Variants in PDE10A observed in about 807,000 individuals in gnomAD.
The protein encoded by PDE10A is cAMP and cAMP-inhibited cGMP 3',5'-cyclic phosphodiesterase 10A.
PDE10A carries 39 observed loss-of-function variants against 97.7 expected under a neutral mutation model. The observed-to-expected ratio is 0.40, with a 90% CI of 0.31 to 0.52. The LOEUF (loss-of-function observed/expected upper bound fraction) is 0.52. PDE10A is among the 20% of genes least tolerant of loss of function. PDE10A has a pLI of 0.56. For synonymous variants in PDE10A, 371 were observed against 376.8 expected, an observed-to-expected ratio of 0.98 and a Z score of 0.18; for missense variants, 731 against 1,047.8, an observed-to-expected ratio of 0.70 and a Z score of 4.17.
chr6:165,347,143 C>T (rs1782367377), intron 18 of PDE10A, among the ~76,000 whole-genome samples: 1 of 151,448 alleles, frequency 6.6e-6, no homozygotes, highest in African/African-American at 2.4e-5. Flanking sequence ...GATTTTAAAT[C>T]ATTGGGTTGA....
rs1374949817 is a variant in PDE10A at position 165,339,167 on chromosome 6, C to A, written c.2976+111G>T. On this transcript the variant is annotated intron_variant, in intron 20 of 21. Transcript: ENST00000539869. ...TAATCACCAGATCTGCCTGGAATAA[C>A]CCATTCCCTTAACATAATATATGAT... The A allele has an allele frequency of 3.9e-5, 30 of 767,714 alleles. No homozygotes were observed. The South Asian group carries it at 3.9e-4, about 10-fold the overall frequency. The allele number at this position is 767,714 out of a possible 1,614,324, so 47.6% of individuals were successfully genotyped here.
intron 18 of PDE10A, among the ~76,000 whole-genome samples, chr6:165,353,903 A>C (rs990152616): frequency 6.6e-6 from 1 of 152,220 alleles, no homozygotes; most frequent in Non-Finnish European, 1.5e-5. Context: ...ATGTTGGTTC[A>C]TTAATTGTAA....
At chr6:165,501,454 A>G (rs221733) in intron 2 of PDE10A, among the ~76,000 whole-genome samples, 150,058 of 152,124 alleles carry the variant, frequency 0.99, 74,013 homozygotes, top group East Asian at 1. Context: ...CCAGCTACTC[A>G]GGAGGCTACT....
chr6:165,378,922 C>A (rs549754665), intron 18 of PDE10A, among the ~76,000 whole-genome samples: 2 of 152,196 alleles, frequency 1.3e-5, no homozygotes, highest in Non-Finnish European at 2.9e-5. Context: ...AAACATCATT[C>A]CAGCCTTTCC....
At chr6:165,337,566 T>C (rs1371424662) in intron 20 of PDE10A, among the ~76,000 whole-genome samples, 3 of 152,252 alleles carry the variant, frequency 2.0e-5, no homozygotes, top group Admixed American at 6.5e-5. Context: ...CCAGAAAAGA[T>C]ACTAATATTA....
At chr6:165,350,680 C>T (rs1223404542) in intron 18 of PDE10A, among the ~76,000 whole-genome samples, 1 of 152,108 alleles carries the variant, frequency 6.6e-6, no homozygotes, top group Non-Finnish European at 1.5e-5. Flanking sequence ...TTCCCCTAAC[C>T]CTCACTTGTC....
At chr6:165,423,840 CTA>C (rs1246182346) in intron 10 of PDE10A, among the ~76,000 whole-genome samples, 2 of 142,024 alleles carry the variant, frequency 1.4e-5, no homozygotes, top group African/African-American at 2.6e-5. Flanking sequence ...CAGAGCGAGA[CTA>C]TGTCTCAGGA....
intron 2 of PDE10A, among the ~76,000 whole-genome samples, chr6:165,523,209 G>GCTGT (rs1184254886): frequency 6.6e-6 from 1 of 152,098 alleles, no homozygotes; most frequent in Non-Finnish European, 1.5e-5. Flanking sequence ...GTAATCTACA[G>GCTGT]ATTCAGTGCC....
intron 1 of PDE10A, among the ~76,000 whole-genome samples, chr6:165,897,271 C>T (rs930219032): frequency 9.2e-5 from 14 of 152,080 alleles, no homozygotes; most frequent in African/African-American, 3.4e-4. Context: ...TCTAAATGAT[C>T]ACAGAAATTG....
At chr6:165,886,011 A>G (rs1781622701) in intron 1 of PDE10A, among the ~76,000 whole-genome samples, 1 of 152,250 alleles carries the variant, frequency 6.6e-6, no homozygotes, top group South Asian at 2.1e-4. Flanking sequence ...ATTGTCTATC[A>G]TAAGTTGTAC....
intron 2 of PDE10A, among the ~76,000 whole-genome samples, chr6:165,511,139 C>T (rs1258135036): frequency 1.3e-5 from 2 of 152,000 alleles, no homozygotes; most frequent in South Asian, 2.1e-4. Flanking sequence ...TGAACTCCTA[C>T]TTTTCTGATG....
chr6:165,438,779 G>A (rs571815580), intron 5 of PDE10A, among the ~76,000 whole-genome samples: 15 of 151,946 alleles, frequency 9.9e-5, no homozygotes, highest in African/African-American at 3.4e-4. Flanking sequence ...GCAACATAGC[G>A]AGATCTGACC....
chr6:165,429,477 A>C (rs1386896171), intron 9 of PDE10A, among the ~76,000 whole-genome samples: 2 of 152,128 alleles, frequency 1.3e-5, no homozygotes. Flanking sequence ...AATGTAACAT[A>C]AACTAGTAAC....
chr6:165,875,748 G>T (rs367656794), intron 1 of PDE10A, among the ~76,000 whole-genome samples: 3,728 of 48,700 alleles, frequency 0.077, 77 homozygotes, highest in South Asian at 0.17. Flanking sequence ...TTTTTTTTTT[G>T]TGTGTGTGTG....
rs528602351 is a variant in PDE10A at position 165,461,881 on chromosome 6, T to A, written c.1024-11519A>T. Among the ~76,000 whole-genome samples, 372 of 152,378 alleles carry A rather than the reference T, an allele frequency of 2.4e-3. 2 individuals are homozygous for A. The highest frequency in any genetic ancestry group is 8.4e-3 in the African/African-American group (351 of 41,602). On this transcript the variant is annotated intron_variant, in intron 3 of 21. Transcript: ENST00000539869. ...AACTTGCCAAATGGTATATTCCTCA[T>A]CTTTTACAGGAGGAGTTAATCCTCA...
chr6:165,620,301 T>C (rs953553623), intron 1 of PDE10A, among the ~76,000 whole-genome samples: 1 of 152,140 alleles, frequency 6.6e-6, no homozygotes, highest in African/African-American at 2.4e-5. Flanking sequence ...CCAGGCAGTA[T>C]CTGCACTGTG....
chr6:165,676,576 A>G (rs1039458525), intron 1 of PDE10A, among the ~76,000 whole-genome samples: 1 of 151,408 alleles, frequency 6.6e-6, no homozygotes, highest in African/African-American at 2.4e-5. Flanking sequence ...TTCCAGGAGG[A>G]GGGGATAGCC....
chr6:165,657,513 T>C (rs984015929), intron 1 of PDE10A, among the ~76,000 whole-genome samples: 1 of 152,268 alleles, frequency 6.6e-6, no homozygotes, highest in East Asian at 1.9e-4. Flanking sequence ...GTTGGTGAAA[T>C]GTGCACCGCA....
intron 3 of PDE10A, among the ~76,000 whole-genome samples, chr6:165,473,700 G>A (rs1054817031): frequency 1.3e-5 from 2 of 152,160 alleles, no homozygotes; most frequent in East Asian, 3.8e-4. Context: ...GGAAAACACT[G>A]TGGCCAAACA....
Sources: gnomAD v4.1 joint callset for allele counts (sites outside exome capture counted in the v4.1 genomes callset) on GRCh38, gnomAD v4.1.1 for gene constraint, MANE v1.5 for transcripts, NCBI Gene and HGNC (gene_info 2026-07-23, HGNC 2026-07-21) for gene names.